The following MRPL9 variants were observed in gnomAD, a reference collection of about 807,000 sequenced individuals.
MRPL9 encodes the protein mitochondrial ribosomal protein L9.
A neutral mutation model predicts 27.6 loss-of-function variants in MRPL9; 25 were observed. The ratio of observed to expected loss-of-function variants is 0.91; its 90% CI spans 0.66 to 1.27. The LOEUF is 1.27. Ranked by LOEUF, MRPL9 falls within the 50% of genes most tolerant of loss-of-function variation. The pLI, the probability that MRPL9 is intolerant of heterozygous loss-of-function variation, is 0.00. For synonymous variants in MRPL9, 154 were observed against 139.0 expected (o/e 1.11, Z -0.76); for missense variants, 362 against 338.0 (o/e 1.07, Z -0.56).
intron 2 of MRPL9, 118 bp downstream of exon 2, chr1:151,762,872 T>TAG: frequency 8.2e-7 from 1 of 1,216,996 alleles, no homozygotes; most frequent in Admixed American, 2.3e-5. Context: ...TTCTCACATA[T>TAG]AGAGTTGGAT....
At chr1:151,762,873 A>C in intron 2 of MRPL9, 117 bp downstream of exon 2, 1 of 1,221,018 alleles carries the variant, frequency 8.2e-7, no homozygotes, top group Non-Finnish European at 1.2e-6. Context: ...TCTCACATAT[A>C]GAGTTGGATT....
intron 2 of MRPL9, chr1:151,762,743 G>A: frequency 3.1e-6 from 2 of 649,560 alleles, no homozygotes; most frequent in Admixed American, 3.1e-5. Context: ...TTCAGTATCT[G>A]TGGCACAAAT....
At position 151,760,188 on chromosome 1, in the gene MRPL9, A is replaced by G. The variant is rs1233163259; in HGVS notation, c.673-7T>C. 6.8e-6 allele frequency: 11 copies of G among 1,613,874 alleles called. No individual in the cohort carries two copies. Among genetic ancestry groups the G allele is most frequent in the Non-Finnish European group, 9.3e-6 (11 of 1,179,980 alleles). On this transcript the variant is annotated splice_region_variant and splice_polypyrimidine_tract_variant and intron_variant, in intron 6 of 6. Coordinates refer to ENST00000368830, the MANE Select transcript of MRPL9 (RefSeq NM_031420.4). ...CAGTATCAAGCCCATTTACCTGCAC[A>G]CAAAACAATGGGAATTCTCAGAGAT...
rs755145188 is a variant in MRPL9 at position 151,761,527 on chromosome 1, C to T, written c.512G>A (p.Arg171His). ...ATTGTTCTTCATCCCTACCTCCAGG[C>T]GACAGCTTTTTAGAAATTTCACTGT... ...EATVKFLKSC[R>H]LEVGMKNNVK... is the part of the protein sequence containing the mutation. The change falls in exon 5 of 7, where the codon CGC (arginine) becomes CAC (histidine). Residue 171 changes from arginine to histidine, a missense_variant. By Grantham distance (29) the Arg-to-His change is conservative. Transcript: ENST00000368830. 17 of 1,613,506 alleles carry T rather than the reference C, an allele frequency of 1.1e-5. No individual in the cohort carries two copies. The highest frequency in any genetic ancestry group is 5.5e-5 in the South Asian group (5 of 91,074).
intron 5 of MRPL9, 27 bp from the exon 6 acceptor site, chr1:151,760,926 A>AAAAC (rs57922119): frequency 4.9e-6 from 7 of 1,419,400 alleles, no homozygotes; most frequent in African/African-American, 4.3e-5. Context: ...AAAAAAAAAA[A>AAAAC]TCTCAGCTCA....
Position 151,762,126 on chromosome 1 carries a change from G to C in MRPL9, c.465C>G (p.Ile155Met). The change falls in exon 4 of 7, where the codon ATC becomes ATG. Residue 155 changes from isoleucine (I) to methionine (M), a missense_variant. Coordinates refer to ENST00000368830, the MANE Select transcript of MRPL9 (RefSeq NM_031420.4). The part of the protein sequence containing the change: ...LLRQEGKLEK[I>M]QTKAGEATVK... ...TCACCGCCTCACCTGCCTTGGTCTG[G>C]ATCTTCTCTAATTTTCCTTCTTGTC... 6.2e-7 allele frequency: 1 copy of C among 1,614,168 alleles called. No homozygotes were observed.
intron 2 of MRPL9, 21 bp from the exon 3 acceptor site, chr1:151,762,521 A>G (rs200843770): frequency 3.1e-6 from 5 of 1,613,078 alleles, no homozygotes; most frequent in East Asian, 2.2e-5. Flanking sequence ...GAACAGAGAC[A>G]GGGGAATTAG....
chr1:151,762,854 G>A, intron 2 of MRPL9, 136 bp downstream of exon 2: 1 of 1,085,954 alleles, frequency 9.2e-7, no homozygotes, highest in Non-Finnish European at 1.3e-6. Flanking sequence ...AGTTTTTATG[G>A]CTTCCTCTTC....
In MRPL9 at chr1:151,763,003, C is replaced by G. The variant is rs1196331930; in HGVS notation, c.297G>C (p.Thr99=). The stretch of plus-strand genomic sequence containing the variant: ...CCCGGGCCTTACTCTCCACCGACTG[C>G]GTCAGGATGAGCTCCAGGTTTTCTT... The part of the protein sequence containing the change: ...RPKENLELIL[T]QSVENVGVRG... Residue 99 remains threonine (T), a synonymous_variant, in exon 2 of 7, where the codon ACG becomes ACC. Transcript: ENST00000368830. 6.2e-7 allele frequency: 1 copy of G among 1,614,182 alleles called. No individual in the cohort carries two copies.
At position 151,759,832 on chromosome 1, in the gene MRPL9, A is replaced by C. The variant is rs1273675579; in HGVS notation, c.*218T>G. On this transcript the variant is annotated 3_prime_UTR_variant, in exon 7 of 7. Coordinates refer to ENST00000368830, the MANE Select transcript of MRPL9 (RefSeq NM_031420.4). The stretch of plus-strand genomic sequence containing the variant: ...ACTGCATCTAGCTTATCAAATCTAC[A>C]GCCTGGTACTTCTGGAACAGGACTT... The C allele has an allele frequency of 1.9e-6, 1 of 530,768 alleles. No homozygotes were observed. The allele number at this position is 530,768 out of a possible 1,614,324, so 32.9% of individuals were successfully genotyped here.
intron 2 of MRPL9, 60 bp downstream of exon 2, chr1:151,762,930 A>G (rs1558128670): frequency 1.9e-6 from 3 of 1,576,274 alleles, no homozygotes. Context: ...GGGACGGGCT[A>G]GAAAAAGCTG....
At chr1:151,763,234 C>T in intron 1 of MRPL9, 88 bp from the exon 2 acceptor site, 1 of 1,538,986 alleles carries the variant, frequency 6.5e-7, no homozygotes, top group Non-Finnish European at 8.8e-7. Context: ...AAGGAAAGCC[C>T]GCCACCCCCA....
At chr1:151,760,749 G>A in intron 6 of MRPL9, 67 bp downstream of exon 6, 1 of 1,396,726 alleles carries the variant, frequency 7.2e-7, no homozygotes, top group Non-Finnish European at 9.7e-7. Context: ...TTAAGAGAAA[G>A]GAAAAAAAGG....
chr1:151,762,660 A>G (rs1648152385), intron 2 of MRPL9, 160 bp from the exon 3 acceptor site: 1 of 752,962 alleles, frequency 1.3e-6, no homozygotes, highest in Non-Finnish European at 2.1e-6. Context: ...GAGACTGCTA[A>G]TTAGTTTCTT....
At position 151,763,053 on chromosome 1, in the gene MRPL9, C is replaced by G. The variant is rs961779375; in HGVS notation, c.247G>C (p.Val83Leu). 11 of 1,614,078 alleles carry G rather than the reference C, an allele frequency of 6.8e-6. No individual in the cohort carries two copies. The African/African-American group carries it at 1.2e-4, about 18-fold the overall frequency. ...LHRRHRVYKL[V>L]EDTKHRPKEN... is the part of the protein sequence containing the mutation. ...TTGGGCCGATGCTTCGTGTCCTCCA[C>G]CAGCTTATAGACGCGATGTCGCCGG... The change falls in exon 2 of 7, where the codon GTG becomes CTG. Residue 83 changes from valine (V) to leucine (L), a missense_variant. Coordinates refer to ENST00000368830, the MANE Select transcript of MRPL9 (RefSeq NM_031420.4).
In MRPL9 at chr1:151,763,161, A is replaced by G; in HGVS notation, c.154-15T>C. 2.5e-6 allele frequency: 4 copies of G among 1,611,592 alleles called. No homozygotes were observed. Among genetic ancestry groups the G allele is most frequent in the East Asian group, 2.2e-5 (1 of 44,824 alleles). ...ATGACCGTGCCCTGGCGGCCAGGAA[A>G]GCGACGGTAAGCTAGTCTCCACAAG... On this transcript the variant is annotated splice_polypyrimidine_tract_variant and intron_variant, in intron 1 of 6. Coordinates refer to ENST00000368830, the MANE Select transcript of MRPL9 (RefSeq NM_031420.4).
chr1:151,763,079 T>G lies in MRPL9; in HGVS notation c.221A>C (p.His74Pro), dbSNP rs756599235. Residue 74 changes from histidine (H) to proline (P), a missense_variant, in exon 2 of 7, where the codon CAC becomes CCC. Transcript: ENST00000368830. Reference protein sequence around the residue: ...LAGEGRKPRLHRRHRVYKLVE... With the variant: ...LAGEGRKPRLPRRHRVYKLVE... Reference sequence around the variant, plus strand: ...CAGCTTATAGACGCGATGTCGCCGGTGCAGGCGCGGCTTCCGGCCCTCCCC... The same window carrying G: ...CAGCTTATAGACGCGATGTCGCCGGGGCAGGCGCGGCTTCCGGCCCTCCCC... 6.2e-7 allele frequency: 1 copy of G among 1,614,094 alleles called. No individual in the cohort carries two copies. Among genetic ancestry groups the G allele is most frequent in the Non-Finnish European group, 8.5e-7 (1 of 1,179,982 alleles).
In MRPL9 at chr1:151,763,015, C is replaced by CTCCA; in HGVS notation, c.281_284dup (p.Glu95AspfsTer17). ...TCTCCACCGACTGCGTCAGGATGAG[C>CTCCA]TCCAGGTTTTCTTTGGGCCGATGCT... On this transcript the variant is annotated frameshift_variant, in exon 2 of 7. Transcript: ENST00000368830. LOFTEE classifies it high-confidence loss of function. The CTCCA allele has an allele frequency of 6.2e-7, 1 of 1,614,202 alleles. No homozygotes were observed. The highest frequency in any genetic ancestry group is 2.2e-5 in the East Asian group (1 of 44,868).
At position 151,760,145 on chromosome 1, in the gene MRPL9, C is replaced by G. The variant is rs762533525; in HGVS notation, c.709G>C (p.Val237Leu). The part of the protein sequence containing the change: ...GLDTVRVPMS[V>L]VNFEKPKTKR... ...GTCTTGGGCTTCTCAAAGTTCACGA[C>G]AGACATAGGCACTCTCACAGTATCA... Residue 237 changes from valine to leucine, a missense_variant, in exon 7 of 7, where the codon GTC becomes CTC. Coordinates refer to ENST00000368830, the MANE Select transcript of MRPL9 (RefSeq NM_031420.4). 5 of 1,614,170 alleles carry G rather than the reference C, an allele frequency of 3.1e-6. No homozygotes were observed. The highest frequency in any genetic ancestry group is 4.2e-6 in the Non-Finnish European group (5 of 1,180,024).
Sources: gnomAD v4.1 joint callset for allele counts on GRCh38, gnomAD v4.1.1 for gene constraint, MANE v1.5 for transcripts, NCBI Gene and HGNC (gene_info 2026-07-23, HGNC 2026-07-21) for gene names.